The following ZHX2 variants were observed in gnomAD, a reference collection of about 807,000 sequenced individuals.
ZHX2 encodes the protein zinc fingers and homeoboxes 2, also known as zinc fingers and homeoboxes protein 2.
In ZHX2, 6 loss-of-function variants were observed where a neutral mutation model predicts 21.9. The observed-to-expected ratio is 0.27, with a 90% CI of 0.15 to 0.54. The LOEUF is 0.54. Among genes scored for constraint, ZHX2 ranks in the 20% least tolerant of loss-of-function variants. ZHX2 has a pLI of 0.95. For synonymous variants in ZHX2, 434 were observed against 437.1 expected, an observed-to-expected ratio of 0.99 and a Z score of 0.09; for missense variants, 908 against 1,090.7, an observed-to-expected ratio of 0.83 and a Z score of 2.36.
intron 1 of ZHX2, among the ~76,000 whole-genome samples, chr8:122,797,059 G>C (rs1817627010): frequency 6.6e-6 from 1 of 152,216 alleles, no homozygotes; most frequent in African/African-American, 2.4e-5. Flanking sequence ...GTTTCCTTCA[G>C]GTGCAGGAAA....
At chr8:122,893,930 G>A (rs896766426) in intron 2 of ZHX2, among the ~76,000 whole-genome samples, 2 of 152,154 alleles carry the variant, frequency 1.3e-5, no homozygotes, top group Middle Eastern at 3.2e-3. Context: ...TGTGCATCTG[G>A]TGGGACAGTT....
intron 1 of ZHX2, among the ~76,000 whole-genome samples, chr8:122,822,664 C>G (rs925464658): frequency 6.6e-6 from 1 of 152,182 alleles, no homozygotes; most frequent in Non-Finnish European, 1.5e-5. Flanking sequence ...AGCAGAGGTC[C>G]GGAAAAGATG....
intron 1 of ZHX2, among the ~76,000 whole-genome samples, chr8:122,796,842 G>A (rs186636692): frequency 3.3e-4 from 50 of 152,260 alleles, no homozygotes; most frequent in Non-Finnish European, 4.1e-4. Context: ...TTGAAAAAGC[G>A]GGAAAATGTG....
chr8:122,891,222 A>G (rs2129864988), intron 2 of ZHX2, among the ~76,000 whole-genome samples: 1 of 145,822 alleles, frequency 6.9e-6, no homozygotes, highest in South Asian at 2.2e-4. Flanking sequence ...AATCTTCATT[A>G]TTGATCTATT....
chr8:122,926,416 G>A (rs923001881), intron 2 of ZHX2, among the ~76,000 whole-genome samples: 2 of 152,202 alleles, frequency 1.3e-5, no homozygotes, highest in Non-Finnish European at 2.9e-5. Context: ...TCTGAGTATA[G>A]GGATTGTAAT....
chr8:122,938,809 G>T (rs1035536959), intron 2 of ZHX2, among the ~76,000 whole-genome samples: 14 of 152,066 alleles, frequency 9.2e-5, no homozygotes, highest in Non-Finnish European at 1.8e-4. Flanking sequence ...CTGCACTCCA[G>T]CCTGGGCAAC....
intron 1 of ZHX2, among the ~76,000 whole-genome samples, chr8:122,825,169 T>G (rs1268910454): frequency 6.6e-6 from 1 of 152,196 alleles, no homozygotes; most frequent in Non-Finnish European, 1.5e-5. Context: ...CTTTTGAGGG[T>G]GATGGCACTA....
At chr8:122,944,612 T>C (rs1812923899) in intron 2 of ZHX2, among the ~76,000 whole-genome samples, 1 of 152,146 alleles carries the variant, frequency 6.6e-6, no homozygotes, top group South Asian at 2.1e-4. Context: ...CTCTCCTCCA[T>C]GGTGAGCTCT....
intron 1 of ZHX2, among the ~76,000 whole-genome samples, chr8:122,797,252 G>A (rs1397923349): frequency 6.6e-6 from 1 of 152,176 alleles, no homozygotes; most frequent in African/African-American, 2.4e-5. Context: ...GTGACTTGGG[G>A]ATCCACGCTG....
intron 2 of ZHX2, among the ~76,000 whole-genome samples, chr8:122,939,721 A>G (rs1439001055): frequency 6.6e-6 from 1 of 152,238 alleles, no homozygotes; most frequent in East Asian, 1.9e-4. Flanking sequence ...GAACAGTTAC[A>G]CAGGAAATTT....
Position 122,810,896 on chromosome 8 carries a change from A to T in ZHX2, c.-283+28950A>T, listed in dbSNP as rs562622416. 6.6e-5 allele frequency among the ~76,000 whole-genome samples: 10 copies of T among 152,242 alleles called. No individual in the cohort carries two copies. The South Asian group carries it at 2.1e-3, about 32-fold the overall frequency. On this transcript the variant is annotated intron_variant, in intron 1 of 3. Transcript: ENST00000314393. The stretch of plus-strand genomic sequence containing the variant: ...CATGCTGGTGCGCTGCACCCACTAG[A>T]CTAGCATGTCAAAAGGGAGTGGCTG...
intron 2 of ZHX2, among the ~76,000 whole-genome samples, chr8:122,888,327 T>C (rs953234767): frequency 6.6e-6 from 1 of 152,156 alleles, no homozygotes; most frequent in Non-Finnish European, 1.5e-5. Context: ...GAGTGATATT[T>C]CTATATATGT....
intron 1 of ZHX2, among the ~76,000 whole-genome samples, chr8:122,785,690 G>T (rs1263512043): frequency 6.6e-6 from 1 of 152,208 alleles, no homozygotes; most frequent in Non-Finnish European, 1.5e-5. Context: ...GGCAGACGGG[G>T]TGAAAGGAGG....
chr8:122,924,984 A>G (rs1190533681), intron 2 of ZHX2, among the ~76,000 whole-genome samples: 2 of 152,298 alleles, frequency 1.3e-5, no homozygotes, highest in Non-Finnish European at 2.9e-5. Context: ...CTATTAAGAA[A>G]AATACAGGAG....
chr8:122,908,327 G>A (rs1380926887), intron 2 of ZHX2, among the ~76,000 whole-genome samples: 1 of 152,208 alleles, frequency 6.6e-6, no homozygotes, highest in African/African-American at 2.4e-5. Context: ...AGCCTTACAA[G>A]TAGCTGGGAT....
At chr8:122,911,413 C>T (rs1820478005) in intron 2 of ZHX2, among the ~76,000 whole-genome samples, 1 of 152,082 alleles carries the variant, frequency 6.6e-6, no homozygotes, top group African/African-American at 2.4e-5. Flanking sequence ...TGTGCCTGCC[C>T]CCTGCTTCCC....
intron 2 of ZHX2, among the ~76,000 whole-genome samples, chr8:122,895,572 T>A (rs940312842): frequency 1.3e-5 from 2 of 152,148 alleles, no homozygotes; most frequent in Admixed American, 1.3e-4. Context: ...GTTTCATTGT[T>A]CTTCTCACTG....
At chr8:122,920,761 A>T (rs1222303207) in intron 2 of ZHX2, among the ~76,000 whole-genome samples, 2 of 152,090 alleles carry the variant, frequency 1.3e-5, no homozygotes, top group African/African-American at 4.8e-5. Flanking sequence ...TAGAAATGAG[A>T]GGTAGAGAGC....
In ZHX2 at chr8:122,787,752, G is replaced by C. The variant is rs76877910; in HGVS notation, c.-283+5806G>C. On this transcript the variant is annotated intron_variant, in intron 1 of 3. Transcript: ENST00000314393. ...TGCTATTGAGGCAGAGAGGAAGAGGGTTATGAATGAGAGTTCCTGGGCTAC... is the reference window on the plus strand; with the variant it reads ...TGCTATTGAGGCAGAGAGGAAGAGGCTTATGAATGAGAGTTCCTGGGCTAC... Among the ~76,000 whole-genome samples, 1,141 of 152,324 alleles carry C rather than the reference G, an allele frequency of 7.5e-3. 12 individuals carry two copies. The highest frequency in any genetic ancestry group is 0.025 in the African/African-American group (1,050 of 41,566).
Sources: gnomAD v4.1 joint callset for allele counts (sites outside exome capture counted in the v4.1 genomes callset) on GRCh38, gnomAD v4.1.1 for gene constraint, MANE v1.5 for transcripts, NCBI Gene and HGNC (gene_info 2026-07-23, HGNC 2026-07-21) for gene names.